The following MMP16 variants were observed in gnomAD, a reference collection of about 807,000 sequenced individuals.
The protein encoded by MMP16 is matrix metalloproteinase-16.
In MMP16, 12 loss-of-function variants were observed where a neutral mutation model predicts 67.8. The observed-to-expected ratio is 0.18, with a 90% CI of 0.11 to 0.29. MMP16 has a LOEUF of 0.29. Among genes scored for constraint, MMP16 ranks in the 10% least tolerant of loss-of-function variants. MMP16 has a pLI of 1.00. For synonymous variants in MMP16, 249 were observed against 255.9 expected, an observed-to-expected ratio of 0.97 and a Z score of 0.26; for missense variants, 475 against 765.7, an observed-to-expected ratio of 0.62 and a Z score of 4.48.
At chr8:88,191,215 C>A (rs183254550) in intron 2 of MMP16, among the ~76,000 whole-genome samples, 122 of 152,212 alleles carry the variant, frequency 8.0e-4, no homozygotes, top group Non-Finnish European at 1.1e-3. Flanking sequence ...TGGTGCCATA[C>A]TGTAGAGTTA....
At chr8:88,045,106 A>G (rs1808181437) in intron 9 of MMP16, among the ~76,000 whole-genome samples, 1 of 152,170 alleles carries the variant, frequency 6.6e-6, no homozygotes, top group African/African-American at 2.4e-5. Context: ...AATTGAATAC[A>G]CAAAAATTAT....
chr8:88,293,033 G>C (rs1810951358), intron 1 of MMP16, among the ~76,000 whole-genome samples: 1 of 152,086 alleles, frequency 6.6e-6, no homozygotes, highest in African/African-American at 2.4e-5. Context: ...TAACGCTCTA[G>C]AGTTCAACAG....
chr8:88,312,597 A>G (rs889768495), intron 1 of MMP16, among the ~76,000 whole-genome samples: 4 of 152,082 alleles, frequency 2.6e-5, no homozygotes, highest in Admixed American at 6.6e-5. Flanking sequence ...GGACTCTATA[A>G]TCCTTCCCTC....
intron 1 of MMP16, among the ~76,000 whole-genome samples, chr8:88,250,634 C>T (rs1371509909): frequency 6.6e-6 from 1 of 151,888 alleles, no homozygotes; most frequent in Non-Finnish European, 1.5e-5. Flanking sequence ...TTAGTAGGGG[C>T]TGAAAACATT....
intron 6 of MMP16, among the ~76,000 whole-genome samples, chr8:88,094,568 T>C (rs2118356239): frequency 6.6e-6 from 1 of 151,592 alleles, no homozygotes; most frequent in Non-Finnish European, 1.5e-5. Context: ...TGCAAAGATC[T>C]AGGGCTAAAA....
chr8:88,232,071 G>A (rs1259932624), intron 1 of MMP16, among the ~76,000 whole-genome samples: 1 of 152,060 alleles, frequency 6.6e-6, no homozygotes, highest in African/African-American at 2.4e-5. Flanking sequence ...GCAATCGAGA[G>A]GTTATCATAC....
At chr8:88,292,658 G>A (rs1340762459) in intron 1 of MMP16, among the ~76,000 whole-genome samples, 2 of 152,080 alleles carry the variant, frequency 1.3e-5, no homozygotes, top group Non-Finnish European at 2.9e-5. Flanking sequence ...GTTGTATCTA[G>A]CATCCGGATA....
At chr8:88,075,844 T>C (rs1808639522) in intron 6 of MMP16, among the ~76,000 whole-genome samples, 1 of 152,020 alleles carries the variant, frequency 6.6e-6, no homozygotes, top group Non-Finnish European at 1.5e-5. Context: ...ACATATTATA[T>C]AAGTGATTTA....
At chr8:88,202,117 T>C (rs1369411804) in intron 1 of MMP16, among the ~76,000 whole-genome samples, 1 of 152,178 alleles carries the variant, frequency 6.6e-6, no homozygotes, top group African/African-American at 2.4e-5. Flanking sequence ...AATGGATTAG[T>C]GTACGAAATT....
chr8:88,080,336 G>A (rs1808724969), intron 6 of MMP16, among the ~76,000 whole-genome samples: 1 of 152,144 alleles, frequency 6.6e-6, no homozygotes, highest in East Asian at 1.9e-4. Context: ...TTCTAACCAA[G>A]GGAAATCATT....
chr8:88,177,159 G>C (rs1319874651), intron 3 of MMP16, among the ~76,000 whole-genome samples: 1 of 152,016 alleles, frequency 6.6e-6, no homozygotes, highest in Admixed American at 6.6e-5. Flanking sequence ...TGGTGCCTTT[G>C]TAAAGGTTAT....
chr8:88,117,522 AG>A (rs1430730855), intron 5 of MMP16, among the ~76,000 whole-genome samples: 1 of 152,092 alleles, frequency 6.6e-6, no homozygotes, highest in African/African-American at 2.4e-5. Context: ...CTAATTCATG[AG>A]GTCATGAGAA....
chr8:88,149,838 A>G lies in MMP16; in HGVS notation c.709+17831T>C, dbSNP rs553476207. Reference sequence around the variant, plus strand: ...CTCCAAAGGAACGCAGTTCCTCACCAGCAACGGAACAAAGCTGGATGGAGA... The same window carrying G: ...CTCCAAAGGAACGCAGTTCCTCACCGGCAACGGAACAAAGCTGGATGGAGA... On this transcript the variant is annotated intron_variant, in intron 4 of 9. Coordinates refer to ENST00000286614, the MANE Select transcript of MMP16 (RefSeq NM_005941.5). 8.0e-5 allele frequency among the ~76,000 whole-genome samples: 12 copies of G among 150,844 alleles called. No individual in the cohort carries two copies. The East Asian group carries it at 1.4e-3, about 17-fold the overall frequency.
intron 1 of MMP16, among the ~76,000 whole-genome samples, chr8:88,264,016 T>A (rs1810432833): frequency 7.5e-6 from 1 of 132,870 alleles, no homozygotes; most frequent in Admixed American, 7.6e-5. Flanking sequence ...GTGTGCAACT[T>A]CCCTACAAAA....
rs183858598 is a variant in MMP16, at chr8:88,136,602, C to A, written c.710-17741G>T. On this transcript the variant is annotated intron_variant, in intron 4 of 9. Coordinates refer to ENST00000286614, the MANE Select transcript of MMP16 (RefSeq NM_005941.5). ...ACAGATTAGGGTGCTCATTTTTGAA[C>A]TTCATATTAAATAAATTCATATTAA... 6.9e-3 allele frequency among the ~76,000 whole-genome samples: 1,037 copies of A among 151,176 alleles called. 9 individuals carry two copies. Among genetic ancestry groups the A allele is most frequent in the Admixed American group, 9.0e-3 (136 of 15,088 alleles).
chr8:88,287,653 G>A (rs1403044058), intron 1 of MMP16, among the ~76,000 whole-genome samples: 3 of 152,178 alleles, frequency 2.0e-5, no homozygotes, highest in African/African-American at 7.2e-5. Context: ...AAATGGATGA[G>A]TTGTAGGGGC....
intron 4 of MMP16, among the ~76,000 whole-genome samples, chr8:88,158,074 T>A (rs1808545550): frequency 6.6e-6 from 1 of 152,098 alleles, no homozygotes; most frequent in Non-Finnish European, 1.5e-5. Context: ...TCTATCATTG[T>A]TGGACATTTG....
chr8:88,244,446 TAA>T (rs1810079759), intron 1 of MMP16, among the ~76,000 whole-genome samples: 1 of 152,158 alleles, frequency 6.6e-6, no homozygotes, highest in African/African-American at 2.4e-5. Flanking sequence ...GGCAAAATAG[TAA>T]AAACACATCC....
intron 1 of MMP16, among the ~76,000 whole-genome samples, chr8:88,201,349 G>C (rs1176004534): frequency 6.6e-6 from 1 of 151,976 alleles, no homozygotes; most frequent in East Asian, 1.9e-4. Context: ...GTTATTTCAG[G>C]TTATTTCAAG....
Sources: gnomAD v4.1 joint callset for allele counts (sites outside exome capture counted in the v4.1 genomes callset) on GRCh38, gnomAD v4.1.1 for gene constraint, MANE v1.5 for transcripts, NCBI Gene and HGNC (gene_info 2026-07-23, HGNC 2026-07-21) for gene names.